MEGF6: variants seen among roughly 807,000 people sequenced by gnomAD.
MEGF6 encodes multiple epidermal growth factor-like domains protein 6.
In MEGF6, 184 loss-of-function variants were observed where a neutral mutation model predicts 207.1. The observed-to-expected ratio is 0.89, with a 90% CI of 0.79 to 1.00. MEGF6 has a LOEUF of 1.00. Among genes scored for constraint, MEGF6 ranks in the 50% least tolerant of loss-of-function variants. MEGF6 has a pLI of 0.00. For missense variants in MEGF6, 2,282 were observed against 2,202.9 expected (o/e 1.04, Z -0.72); for synonymous variants, 1,038 against 910.0 (o/e 1.14, Z -2.53).
intron 4 of MEGF6, among the ~76,000 whole-genome samples, chr1:3,547,467 G>A (rs944291015): frequency 2.0e-5 from 3 of 152,302 alleles, no homozygotes; most frequent in Admixed American, 6.5e-5. Context: ...CCCAGAGATC[G>A]GCTGCCGTGT....
intron 1 of MEGF6, 122 bp from the exon 2 acceptor site, chr1:3,602,722 C>A (rs1211228189): frequency 5.8e-6 from 8 of 1,380,054 alleles, no homozygotes; most frequent in Admixed American, 2.6e-5. Context: ...CGTGGCCAGG[C>A]CTCCACGGCA....
At chr1:3,523,532 G>A (rs1040828318) in intron 5 of MEGF6, among the ~76,000 whole-genome samples, 11 of 152,096 alleles carry the variant, frequency 7.2e-5, no homozygotes, top group Non-Finnish European at 1.0e-4. Flanking sequence ...ACAGGGTCCC[G>A]CTTCTTCGTC....
At chr1:3,610,393 GCCTTC>G (rs2101914134) in intron 1 of MEGF6, among the ~76,000 whole-genome samples, 1 of 152,282 alleles carries the variant, frequency 6.6e-6, no homozygotes, top group South Asian at 2.1e-4. Flanking sequence ...CAGACAGGAG[GCCTTC>G]ACCTGGACCT....
chr1:3,568,865 T>C (rs1643422026), intron 4 of MEGF6, among the ~76,000 whole-genome samples: 1 of 152,078 alleles, frequency 6.6e-6, no homozygotes, highest in South Asian at 2.1e-4. Context: ...CTGCAGAGCG[T>C]GTTCACAGGG....
rs915084469 is a variant in MEGF6, at chr1:3,505,994, C to T, written c.1918+114G>A. ...CCCAGACCTACATCCCAGTGGGTGA[C>T]CTGGCTGGGCCCCGATAGCCTCATC... is the stretch of plus-strand genomic sequence containing the variant. On this transcript the variant is annotated intron_variant, in intron 15 of 36. Coordinates refer to ENST00000356575, the MANE Select transcript of MEGF6 (RefSeq NM_001409.4). 5.0e-6 allele frequency: 7 copies of T among 1,391,702 alleles called. No individual in the cohort carries two copies. The African/African-American group carries it at 1.0e-4, about 20-fold the overall frequency. The allele number at this position is 1,391,702 out of a possible 1,614,324, so 86.2% of individuals were successfully genotyped here. A position where few individuals can be genotyped will look rare whatever the true frequency, so the allele number is the denominator to read the frequency against.
Position 3,492,639 on chromosome 1 carries a change from C to T in MEGF6, c.4516G>A (p.Gly1506Ser), listed in dbSNP as rs1300268638. The change falls in exon 35 of 37, where the codon GGT becomes AGT. Residue 1506 changes from glycine to serine, a missense_variant and splice_region_variant. Coordinates refer to ENST00000356575, the MANE Select transcript of MEGF6 (RefSeq NM_001409.4). ...CCCTTCCCCAGGAAGCCCAGCTCACCTTCCCGGCACGTGGGCCCCATGTAG... is the reference window on the plus strand; with the variant it reads ...CCCTTCCCCAGGAAGCCCAGCTCACTTTCCCGGCACGTGGGCCCCATGTAG... ...DGYMGPTCREGGPLRLPENPS... is the reference protein window; with the variant it reads ...DGYMGPTCRESGPLRLPENPS... The T allele has an allele frequency of 2.5e-6, 4 of 1,607,748 alleles. No individual in the cohort carries two copies. Among genetic ancestry groups the T allele is most frequent in the Admixed American group, 1.7e-5 (1 of 59,906 alleles).
At chr1:3,540,500 T>C (rs1642482177) in intron 4 of MEGF6, among the ~76,000 whole-genome samples, 1 of 152,232 alleles carries the variant, frequency 6.6e-6, no homozygotes, top group African/African-American at 2.4e-5. Context: ...CGAGGGATGC[T>C]GAGGCCTCAC....
Position 3,591,018 on chromosome 1 carries a change from G to A in MEGF6, c.376+4320C>T, listed in dbSNP as rs531962011. ...CACAGGCACACTGGCTGGGGAGACCGTGAGCAGCCGTGTGTGACTCTCAGC... is the reference window on the plus strand; with the variant it reads ...CACAGGCACACTGGCTGGGGAGACCATGAGCAGCCGTGTGTGACTCTCAGC... On this transcript the variant is annotated intron_variant, in intron 3 of 36. Coordinates refer to ENST00000356575, the MANE Select transcript of MEGF6 (RefSeq NM_001409.4). Among the ~76,000 whole-genome samples, 19 of 152,280 alleles carry A rather than the reference G, an allele frequency of 1.2e-4. No individual in the cohort carries two copies. In the South Asian group the frequency reaches 1.9e-3, roughly 15 times the overall value.
chr1:3,509,733 G>A, intron 11 of MEGF6, 137 bp downstream of exon 11: 3 of 1,238,734 alleles, frequency 2.4e-6, no homozygotes, highest in South Asian at 3.2e-5. Flanking sequence ...TCTGAGGTGT[G>A]TTGGCCCAGA....
intron 29 of MEGF6, 107 bp downstream of exon 29, chr1:3,496,548 G>C: frequency 6.7e-7 from 1 of 1,493,216 alleles, no homozygotes; most frequent in Non-Finnish European, 9.0e-7. Flanking sequence ...AGAGGGGGCT[G>C]AAGGGCAGGG....
Position 3,494,454 on chromosome 1 carries a change from G to C in MEGF6, c.4046C>G (p.Ser1349Cys), listed in dbSNP as rs1380180125. The C allele has an allele frequency of 6.3e-7, 1 of 1,576,776 alleles. No individual in the cohort carries two copies. Among genetic ancestry groups the C allele is most frequent in the African/African-American group, 1.3e-5 (1 of 74,112 alleles). ...RYGAACHLEC[S>C]CHNNSTCEPA... ...CTCACACGTGCTGTTGTTGTGGCAG[G>C]AGCACTCCAGATGGCAGGCGGCTCC... Residue 1349 changes from serine to cysteine, a missense_variant, in exon 32 of 37, where the codon TCC (serine) becomes TGC (cysteine). Coordinates refer to ENST00000356575, the MANE Select transcript of MEGF6 (RefSeq NM_001409.4).
At chr1:3,559,726 G>A (rs113080840) in intron 4 of MEGF6, among the ~76,000 whole-genome samples, 3 of 151,922 alleles carry the variant, frequency 2.0e-5, no homozygotes, top group Non-Finnish European at 4.4e-5. Flanking sequence ...ATAAGCACTC[G>A]CCCGGCCGGG....
intron 8 of MEGF6, 41 bp downstream of exon 8, chr1:3,511,965 C>T: frequency 6.2e-7 from 1 of 1,610,810 alleles, no homozygotes; most frequent in African/African-American, 1.3e-5. Flanking sequence ...GCAGCATGGC[C>T]ATCCCGGGCA....
In MEGF6 at chr1:3,500,843, G is replaced by A. The variant is rs561462937; in HGVS notation, c.2576-79C>T. On this transcript the variant is annotated intron_variant, in intron 20 of 36. Transcript: ENST00000356575. ...CCACAGCCGAGTCAGGCACAGGGGC[G>A]TCTCAGGACTGGGGCAAGGCCTCCT... The A allele has an allele frequency of 1.3e-4, 206 of 1,592,416 alleles. 3 individuals carry two copies. In the East Asian group the frequency reaches 3.0e-3, roughly 23 times the overall value.
chr1:3,551,188 C>T (rs114034200), intron 4 of MEGF6, among the ~76,000 whole-genome samples: 2,303 of 152,294 alleles, frequency 0.015, 44 homozygotes, highest in South Asian at 0.057. Flanking sequence ...CCAGAGGCTC[C>T]GCTTGGGGGT....
At position 3,507,823 on chromosome 1, in the gene MEGF6, C is replaced by T. The variant is rs201364536; in HGVS notation, c.1761G>A (p.Pro587=). Residue 587 remains proline (P), a synonymous_variant, in exon 14 of 37, where the codon CCG becomes CCA. Transcript: ENST00000356575. Reference sequence around the variant, plus strand: ...CCTCACAGTTAGTTCCACTGACACCCGGGGGGCAGCGGCAGGCCCCCGTGA... The same window carrying T: ...CCTCACAGTTAGTTCCACTGACACCTGGGGGGCAGCGGCAGGCCCCCGTGA... ...DSVTGACRCP[P]GVSGTNCEDG... is the part of the protein sequence containing the mutation. The T allele has an allele frequency of 7.4e-5, 119 of 1,612,622 alleles. No homozygotes were observed. Among genetic ancestry groups the T allele is most frequent in the South Asian group, 1.2e-4 (11 of 91,072 alleles).
At chr1:3,533,773 C>T (rs1025323678) in intron 4 of MEGF6, among the ~76,000 whole-genome samples, 11 of 152,202 alleles carry the variant, frequency 7.2e-5, no homozygotes, top group African/African-American at 2.2e-4. Context: ...CCTGCACCTC[C>T]GACTCCAGTC....
At chr1:3,500,522 G>A (rs1640811178) in intron 21 of MEGF6, 111 bp downstream of exon 21, 14 of 1,410,392 alleles carry the variant, frequency 9.9e-6, no homozygotes, top group Non-Finnish European at 1.3e-5. Flanking sequence ...GGCTTCGTGT[G>A]TGTGCGTGCA....
At chr1:3,613,275 C>T (rs571095983), upstream of MEGF6, among the ~76,000 whole-genome samples, 10 of 152,298 alleles carry the variant, frequency 6.6e-5, 1 homozygote, top group South Asian at 2.1e-3. Context: ...GGGCTACTTT[C>T]CTCCTGGTCT....
Sources: allele counts gnomAD v4.1 joint callset (sites outside exome capture counted in the v4.1 genomes callset), GRCh38; gene constraint gnomAD v4.1.1; transcripts MANE v1.5; gene names NCBI Gene and HGNC (gene_info 2026-07-23, HGNC 2026-07-21).